The following EHD4 variants were observed in gnomAD, a reference collection of about 807,000 sequenced individuals.
The protein encoded by EHD4 is EH domain containing 4.
EHD4 carries 37 observed loss-of-function variants against 51.0 expected under a neutral mutation model. The observed-to-expected ratio is 0.73, with a 90% CI of 0.56 to 0.95. EHD4 has a LOEUF of 0.95. EHD4 is among the 40% of genes least tolerant of loss of function. The pLI, the probability that EHD4 is intolerant of heterozygous loss-of-function variation, is 0.00. For synonymous variants in EHD4, 297 were observed against 317.3 expected, an observed-to-expected ratio of 0.94 and a Z score of 0.68; for missense variants, 632 against 733.1, an observed-to-expected ratio of 0.86 and a Z score of 1.59.
At chr15:41,918,691 C>T (rs1378716516) in intron 4 of EHD4, among the ~76,000 whole-genome samples, 1 of 152,220 alleles carries the variant, frequency 6.6e-6, no homozygotes, top group Non-Finnish European at 1.5e-5. Context: ...AACCAGCACA[C>T]TCCAAGAGTA....
intron 1 of EHD4, among the ~76,000 whole-genome samples, chr15:41,954,401 G>C (rs758808726): frequency 2.0e-5 from 3 of 152,172 alleles, no homozygotes; most frequent in Non-Finnish European, 2.9e-5. Context: ...AACCTGCACA[G>C]CCTTCTGCAG....
intron 3 of EHD4, among the ~76,000 whole-genome samples, chr15:41,935,461 A>G (rs1417957508): frequency 6.6e-6 from 1 of 152,082 alleles, no homozygotes; most frequent in Non-Finnish European, 1.5e-5. Flanking sequence ...CCTTTCCACT[A>G]TCCTAGGAGT....
chr15:41,905,160 C>A (rs961818799), intron 5 of EHD4, among the ~76,000 whole-genome samples: 4 of 152,222 alleles, frequency 2.6e-5, no homozygotes, highest in African/African-American at 9.6e-5. Flanking sequence ...AGGCCCTAAC[C>A]CACACACGCG....
chr15:41,933,410 C>T (rs900989662), intron 3 of EHD4, among the ~76,000 whole-genome samples: 1 of 152,168 alleles, frequency 6.6e-6, no homozygotes, highest in Admixed American at 6.5e-5. Flanking sequence ...TTCAGATTCT[C>T]GTAAGATCCC....
chr15:41,945,098 G>A (rs1003534049), intron 2 of EHD4, among the ~76,000 whole-genome samples: 1 of 152,220 alleles, frequency 6.6e-6, no homozygotes, highest in Non-Finnish European at 1.5e-5. Context: ...AGGAATGATT[G>A]TCTCTCAGTG....
intron 4 of EHD4, among the ~76,000 whole-genome samples, chr15:41,911,427 CA>C (rs2067548537): frequency 1.3e-5 from 2 of 150,026 alleles, no homozygotes; most frequent in East Asian, 4.0e-4. Flanking sequence ...CTGTGATGAG[CA>C]AGTGGTAAGA....
At chr15:41,945,199 C>T (rs376358572) in intron 2 of EHD4, among the ~76,000 whole-genome samples, 106 of 152,290 alleles carry the variant, frequency 7.0e-4, no homozygotes, top group Middle Eastern at 3.4e-3. Flanking sequence ...AAACCATTCC[C>T]GTGGACAGGC....
At chr15:41,935,594 T>G (rs1373846672) in intron 3 of EHD4, among the ~76,000 whole-genome samples, 1 of 152,240 alleles carries the variant, frequency 6.6e-6, no homozygotes, top group Non-Finnish European at 1.5e-5. Flanking sequence ...TCATGGGGTT[T>G]GCTGCCTTCT....
At chr15:41,959,696 G>A (rs183202932) in intron 1 of EHD4, among the ~76,000 whole-genome samples, 13 of 152,236 alleles carry the variant, frequency 8.5e-5, no homozygotes, top group Non-Finnish European at 1.6e-4. Flanking sequence ...GGCCGGGCAC[G>A]GTGGCTCACA....
chr15:41,949,326 C>T (rs772393081), intron 2 of EHD4, among the ~76,000 whole-genome samples: 3 of 151,412 alleles, frequency 2.0e-5, no homozygotes, highest in Admixed American at 6.6e-5. Context: ...GCCGAGATTG[C>T]GCAGCTGCAC....
chr15:41,953,656 G>A (rs2067867453), intron 2 of EHD4, 108 bp downstream of exon 2: 1 of 1,197,852 alleles, frequency 8.3e-7, no homozygotes, highest in African/African-American at 1.5e-5. Flanking sequence ...GACTTCTAGA[G>A]CAGAGATTCT....
At chr15:41,926,567 T>C (rs1197988578) in intron 3 of EHD4, among the ~76,000 whole-genome samples, 1 of 152,170 alleles carries the variant, frequency 6.6e-6, no homozygotes, top group Non-Finnish European at 1.5e-5. Flanking sequence ...TTCCTTCTTG[T>C]CCCCAGGTTC....
intron 4 of EHD4, among the ~76,000 whole-genome samples, chr15:41,916,067 G>A (rs867988638): frequency 1.3e-5 from 2 of 152,298 alleles, no homozygotes; most frequent in South Asian, 4.1e-4. Context: ...TAATTATGGT[G>A]TTCTATAAAT....
At chr15:41,926,762 C>G (rs1407940451) in intron 3 of EHD4, among the ~76,000 whole-genome samples, 1 of 152,266 alleles carries the variant, frequency 6.6e-6, no homozygotes, top group African/African-American at 2.4e-5. Context: ...ACCCTCTCCA[C>G]TGCACAAACC....
intron 3 of EHD4, among the ~76,000 whole-genome samples, chr15:41,927,204 A>G (rs1373927606): frequency 6.6e-6 from 1 of 152,242 alleles, no homozygotes; most frequent in African/African-American, 2.4e-5. Flanking sequence ...ACACCCAGGA[A>G]TTACTACTGA....
intron 1 of EHD4, among the ~76,000 whole-genome samples, chr15:41,966,895 C>T (rs1315781901): frequency 6.6e-6 from 1 of 152,222 alleles, no homozygotes. Context: ...TCCACAAGCT[C>T]TGCTTCCTCT....
rs559022010 is a variant in EHD4, at chr15:41,905,453, T to C, written c.1089+4246A>G. ...CTAACTTACTAATTCACTTGGCTTGTGTGAATTGAGCACTCACCACGTCCT... is the reference window on the plus strand; with the variant it reads ...CTAACTTACTAATTCACTTGGCTTGCGTGAATTGAGCACTCACCACGTCCT... On this transcript the variant is annotated intron_variant, in intron 5 of 5. Transcript: ENST00000220325. Among the ~76,000 whole-genome samples the C allele has an allele frequency of 4.6e-5, 7 of 152,274 alleles. No homozygotes were observed. In the East Asian group the frequency reaches 1.4e-3, roughly 29 times the overall value.
At chr15:41,954,021 T>A in intron 1 of EHD4, 81 bp from the exon 2 acceptor site, 1 of 1,448,406 alleles carries the variant, frequency 6.9e-7, no homozygotes, top group Non-Finnish European at 9.5e-7. Context: ...ATTACCAATT[T>A]TTTTACATAA....
intron 3 of EHD4, among the ~76,000 whole-genome samples, chr15:41,922,137 C>T (rs1399199619): frequency 6.6e-6 from 1 of 152,170 alleles, no homozygotes; most frequent in African/African-American, 2.4e-5. Flanking sequence ...GCCTGTAATT[C>T]CAGCACTCTG....
Sources: allele counts gnomAD v4.1 joint callset (sites outside exome capture counted in the v4.1 genomes callset), GRCh38; gene constraint gnomAD v4.1.1; transcripts MANE v1.5; gene names NCBI Gene and HGNC (gene_info 2026-07-23, HGNC 2026-07-21).